The following CAPN13 variants were observed in gnomAD, a reference collection of about 807,000 sequenced individuals.
The protein encoded by CAPN13 is calpain 13.
Under a neutral mutation model 98.4 loss-of-function variants are expected in CAPN13, and 90 were observed. The observed-to-expected ratio is 0.92, with a 90% CI of 0.77 to 1.09. The LOEUF is 1.09. Among genes scored for constraint, CAPN13 ranks in the 50% least tolerant of loss-of-function variants. The pLI, the probability that CAPN13 is intolerant of heterozygous loss-of-function variation, is 0.00. For synonymous variants in CAPN13, 330 were observed against 305.5 expected, an observed-to-expected ratio of 1.08 and a Z score of -0.84; for missense variants, 887 against 841.3, an observed-to-expected ratio of 1.05 and a Z score of -0.67.
chr2:30,736,432 G>T, intron 18 of CAPN13, 71 bp downstream of exon 18: 1 of 1,460,150 alleles, frequency 6.8e-7, no homozygotes, highest in South Asian at 1.1e-5. Flanking sequence ...CCTGGTGCAG[G>T]GTTAGACACC....
At chr2:30,776,234 AGTG>A (rs375463973) in intron 3 of CAPN13, among the ~76,000 whole-genome samples, 189 bp from the exon 4 acceptor site, 1 of 152,236 alleles carries the variant, frequency 6.6e-6, no homozygotes, top group African/African-American at 2.4e-5. Context: ...AAGAAGGGGC[AGTG>A]GTGGTGGTGG....
rs145706776 is a variant in CAPN13, at chr2:30,750,655, CT to C, written c.1236+447del. Among the ~76,000 whole-genome samples, 341 of 152,286 alleles carry C rather than the reference CT, an allele frequency of 2.2e-3. 3 individuals are homozygous for C. The highest frequency in any genetic ancestry group is 7.4e-3 in the African/African-American group (307 of 41,554). On this transcript the variant is annotated intron_variant, in intron 11 of 22. Coordinates refer to ENST00000295055, the MANE Select transcript of CAPN13 (RefSeq NM_144575.3). ...GACAGCTCATTTTTTTCCTAAGCAA[CT>C]TCCAAAGTTTAGCCAATGATTCTCA...
rs114829278 is a variant in CAPN13 at position 30,754,623 on chromosome 2, G to A, written c.867-259C>T. ...CCCACATTTCCAAGAGAGTCCCATA[G>A]TGACCTCAAATCAACCTGTCCCTGA... On this transcript the variant is annotated intron_variant, in intron 8 of 22. Transcript: ENST00000295055. 4.1e-3 allele frequency among the ~76,000 whole-genome samples: 625 copies of A among 152,256 alleles called. 6 individuals are homozygous for A. The highest frequency in any genetic ancestry group is 0.015 in the African/African-American group (603 of 41,556).
intron 15 of CAPN13, chr2:30,741,436 AG>A: frequency 1.0e-6 from 1 of 992,418 alleles, no homozygotes; most frequent in African/African-American, 1.7e-5. Context: ...CAAGTCAAGG[AG>A]TTCTTTATAA....
chr2:30,757,959 C>T, intron 8 of CAPN13, 87 bp downstream of exon 8: 1 of 983,312 alleles, frequency 1.0e-6, no homozygotes, highest in Non-Finnish European at 1.5e-6. Flanking sequence ...TGCGCAGTGG[C>T]TAGATAGCCC....
At chr2:30,768,880 G>C (rs1310897543) in intron 5 of CAPN13, among the ~76,000 whole-genome samples, 1 of 152,058 alleles carries the variant, frequency 6.6e-6, no homozygotes, top group East Asian at 2.0e-4. Context: ...ATTTGCAAAA[G>C]CTAGAAAGCT....
At chr2:30,759,794 T>C (rs944441059) in intron 7 of CAPN13, among the ~76,000 whole-genome samples, 1 of 152,176 alleles carries the variant, frequency 6.6e-6, no homozygotes, top group African/African-American at 2.4e-5. Flanking sequence ...AGGTTCGTTC[T>C]TGGATGTGGC....
intron 15 of CAPN13, among the ~76,000 whole-genome samples, chr2:30,739,751 G>A (rs759663534): frequency 4.6e-5 from 7 of 152,172 alleles, no homozygotes; most frequent in South Asian, 4.1e-4. Context: ...AGCCTGCCCC[G>A]GGTCCTGCAC....
Position 30,738,146 on chromosome 2 carries a change from G to C in CAPN13, c.1653+89C>G, listed in dbSNP as rs1235724985. ...GAAGAGAAAATACTGAGTGGGAAAA[G>C]GGTTCCCTACTGTCCTAATTAGGTC... is the stretch of plus-strand genomic sequence containing the variant. On this transcript the variant is annotated intron_variant, in intron 17 of 22. Transcript: ENST00000295055. The C allele has an allele frequency of 1.1e-5, 15 of 1,393,982 alleles. No homozygotes were observed. The East Asian group carries it at 2.8e-4, about 26-fold the overall frequency. 86.4% of individuals were successfully genotyped at this position (1,393,982 alleles called of 1,614,324 possible).
chr2:30,764,354 C>T (rs775813217), intron 5 of CAPN13, 48 bp from the exon 6 acceptor site: 2 of 1,593,532 alleles, frequency 1.3e-6, no homozygotes, highest in Admixed American at 1.7e-5. Context: ...TGGTGAGATG[C>T]TCTGGGAGGG....
chr2:30,724,042 A>G (rs900673033), intron 22 of CAPN13, among the ~76,000 whole-genome samples: 2 of 152,086 alleles, frequency 1.3e-5, no homozygotes, highest in African/African-American at 4.8e-5. Flanking sequence ...TGATTTGTCA[A>G]TTTTAAATGC....
Position 30,753,109 on chromosome 2 carries a change from T to G in CAPN13, c.1031A>C (p.His344Pro), listed in dbSNP as rs1672262116. The G allele has an allele frequency of 1.9e-6, 3 of 1,613,890 alleles. No individual in the cohort carries two copies. Among genetic ancestry groups the G allele is most frequent in the Non-Finnish European group, 2.5e-6 (3 of 1,179,872 alleles). The change falls in exon 10 of 23, where the codon CAC (histidine) becomes CCC (proline). Residue 344 changes from histidine (H) to proline (P), a missense_variant. Coordinates refer to ENST00000295055, the MANE Select transcript of CAPN13 (RefSeq NM_144575.3). Reference protein sequence around the residue: ...PITLDHGNTLHEGWSQIMFRK... With the variant: ...PITLDHGNTLPEGWSQIMFRK... ...AAACATTATTTGGGACCATCCTTCG[T>G]GGAGTGTGTTTCCATGGTCCAGGGT...
rs1401759182 is a variant in CAPN13, at chr2:30,763,073, C to T, written c.774+9G>A. The T allele has an allele frequency of 1.2e-6, 2 of 1,603,498 alleles. No homozygotes were observed. Among genetic ancestry groups the T allele is most frequent in the African/African-American group, 1.3e-5 (1 of 74,722 alleles). The stretch of plus-strand genomic sequence containing the variant: ...GGGGAGAGCTGGACAGGCCAGCAGC[C>T]AGCCTTACCTGCTCAGCCCCAGTCA... On this transcript the variant is annotated intron_variant, in intron 7 of 22. Coordinates refer to ENST00000295055, the MANE Select transcript of CAPN13 (RefSeq NM_144575.3).
At chr2:30,743,857 C>T (rs1671780810) in intron 12 of CAPN13, 4 of 568,646 alleles carry the variant, frequency 7.0e-6, no homozygotes, top group Non-Finnish European at 1.3e-5. Context: ...GTTTTCTCTC[C>T]CTGCTTATAT....
chr2:30,799,526 CAGA>C (rs1186790432), intron 1 of CAPN13, among the ~76,000 whole-genome samples: 3 of 152,162 alleles, frequency 2.0e-5, no homozygotes, highest in Non-Finnish European at 4.4e-5. Context: ...CAAGGTGAAA[CAGA>C]AGAAGTTTAG....
intron 11 of CAPN13, among the ~76,000 whole-genome samples, chr2:30,747,437 C>T (rs114533225): frequency 0.011 from 1,648 of 152,294 alleles, 40 homozygotes; most frequent in African/African-American, 0.037. Flanking sequence ...ACCTCTTAGC[C>T]GACTTCTCTG....
intron 15 of CAPN13, among the ~76,000 whole-genome samples, chr2:30,739,239 G>T (rs1475905677): frequency 2.0e-5 from 3 of 152,156 alleles, no homozygotes; most frequent in African/African-American, 7.2e-5. Context: ...AAGAGGGGAT[G>T]CTATGCTGCT....
At chr2:30,758,315 G>T (rs761340020) in intron 7 of CAPN13, among the ~76,000 whole-genome samples, 178 bp from the exon 8 acceptor site, 8 of 152,194 alleles carry the variant, frequency 5.3e-5, no homozygotes, top group Non-Finnish European at 8.8e-5. Context: ...TGCCTGCATG[G>T]CGTTGGAATG....
chr2:30,801,061 C>A (rs1189095928), intron 1 of CAPN13, among the ~76,000 whole-genome samples: 1 of 152,066 alleles, frequency 6.6e-6, no homozygotes. Context: ...GAAGTTGGGG[C>A]CTGCCATGTA....
Sources: allele counts gnomAD v4.1 joint callset (sites outside exome capture counted in the v4.1 genomes callset), GRCh38; gene constraint gnomAD v4.1.1; transcripts MANE v1.5; gene names NCBI Gene and HGNC (gene_info 2026-07-23, HGNC 2026-07-21).